SYNE1: variants seen among roughly 807,000 people sequenced by gnomAD.
SYNE1 encodes nesprin-1.
In SYNE1, 616 loss-of-function variants were observed where a neutral mutation model predicts 1,111.0. The ratio of observed to expected loss-of-function variants is 0.55; its 90% CI spans 0.52 to 0.59. The LOEUF (loss-of-function observed/expected upper bound fraction) is 0.59, where lower values mean the gene tolerates loss of function less well. Ranked by LOEUF, SYNE1 falls within the 20% of genes least tolerant of loss-of-function variation. SYNE1 has a pLI of 0.00. For missense variants in SYNE1, 10,006 were observed against 10,417.0 expected (o/e 0.96, Z 1.72); for synonymous variants, 3,855 against 3,825.8 (o/e 1.01, Z -0.28).
intron 104 of SYNE1, among the ~76,000 whole-genome samples, chr6:152,252,331 TG>T (rs1161410674): frequency 1.3e-5 from 2 of 152,084 alleles, no homozygotes; most frequent in African/African-American, 4.8e-5. Flanking sequence ...TCAGTTGTGC[TG>T]CCTCACTCAT....
chr6:152,482,915 C>G (rs2098916190), intron 14 of SYNE1, among the ~76,000 whole-genome samples, 170 bp downstream of exon 14: 1 of 152,180 alleles, frequency 6.6e-6, no homozygotes, highest in Non-Finnish European at 1.5e-5. Context: ...CGTCATTAAC[C>G]AGTGTAAGAA....
intron 52 of SYNE1, 134 bp downstream of exon 52, chr6:152,391,143 C>T (rs758038160): frequency 7.6e-7 from 1 of 1,320,928 alleles, no homozygotes; most frequent in Non-Finnish European, 1.1e-6. Flanking sequence ...TCCTTTTTTG[C>T]CCAATTTCTC....
chr6:152,135,030 T>C (rs2056741094), intron 142 of SYNE1, 74 bp downstream of exon 142: 1 of 1,601,254 alleles, frequency 6.2e-7, no homozygotes. Flanking sequence ...ACTTACCACT[T>C]ATATTCATTT....
Position 152,355,181 on chromosome 6 carries a change from T to C in SYNE1, c.10609-205A>G, listed in dbSNP as rs2096814050. The stretch of plus-strand genomic sequence containing the variant: ...CCTAAAACTTTTTCAATTAAAATAA[T>C]CAACATACACACACACACACCCCAA... On this transcript the variant is annotated intron_variant, in intron 66 of 145. Coordinates refer to ENST00000367255, the MANE Select transcript of SYNE1 (RefSeq NM_182961.4). 2.6e-5 allele frequency among the ~76,000 whole-genome samples: 4 copies of C among 152,250 alleles called. No homozygotes were observed. The South Asian group carries it at 8.3e-4, about 32-fold the overall frequency.
At chr6:152,569,539 AAAAGT>A (rs1353410337) in intron 3 of SYNE1, among the ~76,000 whole-genome samples, 2 of 152,338 alleles carry the variant, frequency 1.3e-5, no homozygotes, top group South Asian at 4.1e-4. Flanking sequence ...TTAAAGATTT[AAAAGT>A]AAAGATAATC....
chr6:152,404,413 A>G, intron 45 of SYNE1, 99 bp from the exon 46 acceptor site: 1 of 871,850 alleles, frequency 1.1e-6, no homozygotes, highest in South Asian at 1.4e-5. Context: ...AAATACCCCA[A>G]CTTTAAGCCA....
At chr6:152,605,079 AG>A in intron 3 of SYNE1, among the ~76,000 whole-genome samples, 6 of 23,992 alleles carry the variant, frequency 2.5e-4, no homozygotes, top group African/African-American at 5.4e-4. Context: ...GGAGGAAAGA[AG>A]GAAGGAAGGA....
chr6:152,210,364 G>A (rs1185168022), intron 124 of SYNE1, among the ~76,000 whole-genome samples: 1 of 152,050 alleles, frequency 6.6e-6, no homozygotes, highest in Non-Finnish European at 1.5e-5. Flanking sequence ...TATAGAGTTG[G>A]CTAAGAAATG....
chr6:152,376,804 C>G lies in SYNE1; in HGVS notation c.9118G>C (p.Val3040Leu). The G allele has an allele frequency of 6.2e-7, 1 of 1,614,038 alleles. No individual in the cohort carries two copies. Among genetic ancestry groups the G allele is most frequent in the Non-Finnish European group, 8.5e-7 (1 of 1,180,010 alleles). The change falls in exon 57 of 146, where the codon GTT (valine) becomes CTT (leucine). Residue 3040 changes from valine to leucine, a missense_variant. Val to Leu is a conservative substitution (Grantham distance 32). Transcript: ENST00000367255. ...SRDLSTYSGK[V>L]SGLIKEYNCL... Reference sequence around the variant, plus strand: ...TTATACTCTTTAATCAAGCCAGAAACTTTTCCACTGTAGGTACTCAGGTCT... The same window carrying G: ...TTATACTCTTTAATCAAGCCAGAAAGTTTTCCACTGTAGGTACTCAGGTCT...
chr6:152,586,294 C>A (rs555625354), intron 3 of SYNE1, among the ~76,000 whole-genome samples: 1 of 152,026 alleles, frequency 6.6e-6, no homozygotes, highest in Non-Finnish European at 1.5e-5. Flanking sequence ...TATCTGACAT[C>A]TTTATTGTGA....
chr6:152,503,584 G>A (rs2099041621), intron 9 of SYNE1, among the ~76,000 whole-genome samples: 1 of 152,182 alleles, frequency 6.6e-6, no homozygotes, highest in Non-Finnish European at 1.5e-5. Flanking sequence ...TTATAGAGCA[G>A]AAAGCAAACC....
Position 152,350,172 on chromosome 6 carries a change from T to G in SYNE1, c.11897A>C (p.His3966Pro). 1 of 1,613,196 alleles carries G rather than the reference T, an allele frequency of 6.2e-7. No individual in the cohort carries two copies. Among genetic ancestry groups the G allele is most frequent in the Admixed American group, 1.7e-5 (1 of 60,020 alleles). The change falls in exon 72 of 146, where the codon CAC becomes CCC. Residue 3966 changes from histidine to proline, a missense_variant. His to Pro is a moderately conservative substitution (Grantham distance 77). This residue lies in a region of SYNE1 where 4,955 missense variants were observed against 5,017.2 expected (regional missense o/e 0.99). Transcript: ENST00000367255. ...CCCTTTAAAGGTCAGGGGTACCTTG[T>G]GGTGGGCCAATTGCTGGGTGATTGT... ...LETITQQLAH[H>P]KAMMEEIAGF...
intron 130 of SYNE1, among the ~76,000 whole-genome samples, chr6:152,173,603 G>A (rs1236991215): frequency 2.6e-5 from 4 of 152,226 alleles, no homozygotes; most frequent in South Asian, 4.1e-4. Context: ...GAAATGCAAT[G>A]CAGATGTGAC....
In SYNE1 at chr6:152,206,195, C is replaced by T; in HGVS notation, c.22992G>A (p.Gln7664=). Residue 7664 remains glutamine, a synonymous_variant, in exon 126 of 146, where the codon CAG becomes CAA. Coordinates refer to ENST00000367255, the MANE Select transcript of SYNE1 (RefSeq NM_182961.4). The part of the protein sequence containing the change: ...WKSASMRLEE[Q]KKKLAFLLKD... ...TCAACAAGAAGGCTAGTTTTTTCTT[C>T]TGTTCTTCCAGCCGCATGCTGGCTG... The T allele has an allele frequency of 6.2e-7, 1 of 1,613,632 alleles. No homozygotes were observed. Among genetic ancestry groups the T allele is most frequent in the Middle Eastern group, 1.8e-4 (1 of 5,688 alleles).
intron 3 of SYNE1, among the ~76,000 whole-genome samples, chr6:152,541,493 A>G (rs1177011311): frequency 1.3e-5 from 2 of 152,102 alleles, no homozygotes; most frequent in African/African-American, 2.4e-5. Flanking sequence ...TCATGCCTGT[A>G]ATCCCAGCAC....
chr6:152,408,212 G>A (rs1214932547), intron 44 of SYNE1, among the ~76,000 whole-genome samples: 1 of 152,202 alleles, frequency 6.6e-6, no homozygotes, highest in East Asian at 1.9e-4. Flanking sequence ...TTGATAGAAG[G>A]AGGGCAACAG....
chr6:152,284,988 C>T (rs1226367075), intron 95 of SYNE1, among the ~76,000 whole-genome samples: 1 of 152,104 alleles, frequency 6.6e-6, no homozygotes, highest in Non-Finnish European at 1.5e-5. Flanking sequence ...CGGGTGATGT[C>T]TTCCATTCCC....
intron 145 of SYNE1, chr6:152,128,285 T>A (rs2054225715): frequency 6.6e-6 from 1 of 152,252 alleles, no homozygotes; most frequent in Non-Finnish European, 1.5e-5. Flanking sequence ...TTATTATGAA[T>A]GTATGCACAG....
intron 29 of SYNE1, among the ~76,000 whole-genome samples, chr6:152,445,700 T>G (rs2098579385): frequency 6.6e-6 from 1 of 151,924 alleles, no homozygotes; most frequent in Admixed American, 6.6e-5. Flanking sequence ...CACTGTATCT[T>G]GTGCATCCAC....
Sources: gnomAD v4.1 joint callset for allele counts (sites outside exome capture counted in the v4.1 genomes callset) on GRCh38, gnomAD v4.1.1 for gene constraint, gnomAD v4.1.1 regional missense constraint, MANE v1.5 for transcripts, NCBI Gene and HGNC (gene_info 2026-07-23, HGNC 2026-07-21) for gene names.